Variants in ZFHX3 observed in about 807,000 individuals in gnomAD.
ZFHX3 encodes zinc finger homeobox protein 3.
ZFHX3 carries 42 observed loss-of-function variants against 279.1 expected under a neutral mutation model. The observed-to-expected ratio is 0.15, with a 90% CI of 0.12 to 0.19. ZFHX3 has a LOEUF of 0.19. Ranked by LOEUF, ZFHX3 falls within the 10% of genes least tolerant of loss-of-function variation. ZFHX3 has a pLI of 1.00. For synonymous variants in ZFHX3, 2,293 were observed against 1,957.8 expected (o/e 1.17, Z -4.52); for missense variants, 4,981 against 4,754.0 (o/e 1.05, Z -1.40).
At chr16:73,311,105 C>T (rs1391070793) in intron 4 of ZFHX3, among the ~76,000 whole-genome samples, 1 of 151,786 alleles carries the variant, frequency 6.6e-6, no homozygotes, top group African/African-American at 2.4e-5. Context: ...TGGTGGCAGG[C>T]GCCTGTAATC....
chr16:73,487,856 C>T (rs1344081213), intron 2 of ZFHX3: 1 of 153,644 alleles, frequency 6.5e-6, no homozygotes, highest in African/African-American at 2.4e-5. Context: ...TGCTGGGACT[C>T]CTTCTAGCAC....
intron 4 of ZFHX3, among the ~76,000 whole-genome samples, chr16:73,275,288 G>A (rs2014264194): frequency 6.6e-6 from 1 of 152,164 alleles, no homozygotes; most frequent in Non-Finnish European, 1.5e-5. Flanking sequence ...GAGGGGGTGA[G>A]TCAATGTGTG....
Position 72,798,051 on chromosome 16 carries a change from G to C in ZFHX3, c.4631C>G (p.Pro1544Arg). 6.2e-7 allele frequency: 1 copy of C among 1,614,222 alleles called. No homozygotes were observed. Among genetic ancestry groups the C allele is most frequent in the Non-Finnish European group, 8.5e-7 (1 of 1,180,040 alleles). ...TMEKFLDPSR[P>R]YKCTVCKESF... ...TTCCTTGCAGACGGTACACTTGTAA[G>C]GGCGAGAAGGGTCTAGGAACTTTTC... is the stretch of plus-strand genomic sequence containing the variant. The change falls in exon 9 of 10, where the codon CCT becomes CGT. Residue 1544 changes from proline to arginine, a missense_variant. Coordinates refer to ENST00000268489, the MANE Select transcript of ZFHX3 (RefSeq NM_006885.4).
chr16:72,957,929 G>T lies in ZFHX3; in HGVS notation c.2217C>A (p.Gly739=). Residue 739 remains glycine (G), a synonymous_variant, in exon 2 of 10, where the codon GGC becomes GGA. Transcript: ENST00000268489. ...EVCNYSTTTK[G]NLSIHMQSDK... ...CAGACTGCATATGAATACTGAGGTT[G>T]CCTTTGGTAGTTGTGGAGTAGTTAC... The T allele has an allele frequency of 6.2e-7, 1 of 1,614,192 alleles. No individual in the cohort carries two copies. The highest frequency in any genetic ancestry group is 8.5e-7 in the Non-Finnish European group (1 of 1,180,046).
At chr16:73,008,431 C>T (rs550797280) in intron 1 of ZFHX3, among the ~76,000 whole-genome samples, 3 of 151,410 alleles carry the variant, frequency 2.0e-5, no homozygotes, top group Non-Finnish European at 4.4e-5. Context: ...GAAACTCTGG[C>T]AAATAAAAAA....
Position 73,473,907 on chromosome 16 carries a change from C to T in ZFHX3, c.-1546-17649G>A, listed in dbSNP as rs1033786381. Among the ~76,000 whole-genome samples the T allele has an allele frequency of 2.0e-5, 3 of 152,076 alleles. No individual in the cohort carries two copies. The East Asian group carries it at 5.8e-4, about 29-fold the overall frequency. ...TAAACAGAGCACTCCGTTGGCCAGG[C>T]CTGCTCCCTTCTGATGCCTGCACAA... is the stretch of plus-strand genomic sequence containing the variant. On this transcript the variant is annotated intron_variant, in intron 2 of 17. Transcript: ENST00000641206.
At chr16:72,938,630 G>A (rs1960246783) in intron 3 of ZFHX3, among the ~76,000 whole-genome samples, 1 of 152,208 alleles carries the variant, frequency 6.6e-6, no homozygotes, top group Non-Finnish European at 1.5e-5. Context: ...CCACCTCAGA[G>A]CAAATCGGCA....
intron 6 of ZFHX3, among the ~76,000 whole-genome samples, chr16:73,135,434 CA>C (rs1181438959): frequency 1.3e-5 from 2 of 152,112 alleles, no homozygotes; most frequent in African/African-American, 4.8e-5. Flanking sequence ...GGAATTAGTA[CA>C]AAGGCCTGAT....
chr16:72,940,210 A>T (rs1455631389), intron 3 of ZFHX3, among the ~76,000 whole-genome samples: 3 of 152,098 alleles, frequency 2.0e-5, no homozygotes, highest in African/African-American at 2.4e-5. Context: ...GCCCCAAACA[A>T]GTTTTTTAGT....
intron 1 of ZFHX3, among the ~76,000 whole-genome samples, chr16:73,882,770 G>A (rs530201090): frequency 6.6e-6 from 1 of 152,018 alleles, no homozygotes; most frequent in East Asian, 1.9e-4. Context: ...CTTCTTGGGT[G>A]CCAAGTGTCC....
intron 1 of ZFHX3, among the ~76,000 whole-genome samples, chr16:73,707,500 A>AAGCACC (rs2053315845): frequency 6.7e-6 from 1 of 150,328 alleles, no homozygotes; most frequent in Admixed American, 6.7e-5. Flanking sequence ...ACAAAAAACC[A>AAGCACC]AGCACCGCAT....
chr16:72,957,444 G>T lies in ZFHX3; in HGVS notation c.2702C>A (p.Ala901Asp). The change falls in exon 2 of 10, where the codon GCC becomes GAC. Residue 901 changes from alanine to aspartate, a missense_variant. Around this residue, in one of 7 missense-constraint regions of ZFHX3, gnomAD observed 1,751 missense variants for 1,770.0 expected, o/e 0.99. Coordinates refer to ENST00000268489, the MANE Select transcript of ZFHX3 (RefSeq NM_006885.4). ...ATCCTCACCTAGAGCAGGCGTCATGGCGGCCATGGGCCCGGCGGGATCCAG... is the reference window on the plus strand; with the variant it reads ...ATCCTCACCTAGAGCAGGCGTCATGTCGGCCATGGGCCCGGCGGGATCCAG... ...FQLDPAGPMA[A>D]MTPALVGGEI... is the part of the protein sequence containing the mutation. 2.5e-6 allele frequency: 4 copies of T among 1,610,282 alleles called. No homozygotes were observed. Among genetic ancestry groups the T allele is most frequent in the Non-Finnish European group, 3.4e-6 (4 of 1,177,822 alleles).
At chr16:73,566,712 G>T (rs2020455869) in intron 2 of ZFHX3, among the ~76,000 whole-genome samples, 1 of 121,210 alleles carries the variant, frequency 8.3e-6, no homozygotes, top group East Asian at 2.2e-4. Context: ...TTTTTTTTTG[G>T]AGACAGAGTT....
chr16:73,029,955 T>C (rs184858550), intron 1 of ZFHX3, among the ~76,000 whole-genome samples: 1 of 152,348 alleles, frequency 6.6e-6, no homozygotes, highest in Non-Finnish European at 1.5e-5. Flanking sequence ...TCCTTCCTAA[T>C]GTATCTTGGG....
intron 4 of ZFHX3, among the ~76,000 whole-genome samples, chr16:72,888,659 G>T (rs2038691290): frequency 1.3e-5 from 2 of 152,228 alleles, no homozygotes; most frequent in African/African-American, 4.8e-5. Flanking sequence ...GAAGGCAAGG[G>T]AAGGGGAAGG....
intron 1 of ZFHX3, among the ~76,000 whole-genome samples, chr16:72,963,726 T>C (rs962552875): frequency 2.9e-4 from 44 of 152,214 alleles, no homozygotes; most frequent in Non-Finnish European, 2.2e-4. Context: ...ATGACAGTTT[T>C]ATCCTGTTCC....
At chr16:73,423,510 T>C (rs963366094) in intron 3 of ZFHX3, among the ~76,000 whole-genome samples, 3 of 152,164 alleles carry the variant, frequency 2.0e-5, no homozygotes, top group African/African-American at 7.2e-5. Context: ...GTCTGGTCAT[T>C]TGTCCCAATG....
At chr16:73,881,532 G>T (rs962023625) in intron 1 of ZFHX3, among the ~76,000 whole-genome samples, 6 of 136,438 alleles carry the variant, frequency 4.4e-5, no homozygotes, top group Admixed American at 1.8e-4. Flanking sequence ...CAGGCCCTTG[G>T]AGTCCAAAGA....
chr16:73,527,269 G>T (rs954661245), intron 2 of ZFHX3, among the ~76,000 whole-genome samples: 1 of 152,178 alleles, frequency 6.6e-6, no homozygotes, highest in Admixed American at 6.5e-5. Flanking sequence ...AGGATGTGAA[G>T]GGTTGTTGAC....
Sources: allele counts gnomAD v4.1 joint callset (sites outside exome capture counted in the v4.1 genomes callset), GRCh38; gene constraint gnomAD v4.1.1; regional missense constraint gnomAD v4.1.1; transcripts MANE v1.5; gene names NCBI Gene and HGNC (gene_info 2026-07-23, HGNC 2026-07-21).